Variants in LRIT2 observed in about 807,000 individuals in gnomAD.
The protein encoded by LRIT2 is leucine-rich repeat, immunoglobulin-like domain and transmembrane domain-containing protein 2.
Under a neutral mutation model 22.4 loss-of-function variants are expected in LRIT2, and 23 were observed. The ratio of observed to expected loss-of-function variants is 1.03; its 90% CI spans 0.74 to 1.45. The LOEUF (loss-of-function observed/expected upper bound fraction) is 1.45, where lower values mean the gene tolerates loss of function less well. LRIT2 is among the 40% of genes most tolerant of loss of function. The pLI is 0.00. For missense variants in LRIT2, 784 were observed against 665.6 expected (o/e 1.18, Z -1.96); for synonymous variants, 291 against 267.1 (o/e 1.09, Z -0.87).
chr10:84,222,205 C>T lies in LRIT2; in HGVS notation c.1368G>A (p.Gly456=). ...VAFVTGRDAG[G]LEAREHLLHV... ...GCAGGAGGTGCTCACGTGCCTCTAGCCCACCAGCATCTCTGCCTGTTACAA... is the reference window on the plus strand; with the variant it reads ...GCAGGAGGTGCTCACGTGCCTCTAGTCCACCAGCATCTCTGCCTGTTACAA... Residue 456 remains glycine (G), a synonymous_variant, in exon 3 of 3, where the codon GGG becomes GGA. Transcript: ENST00000372113. The T allele has an allele frequency of 6.2e-7, 1 of 1,614,218 alleles. No homozygotes were observed.
At chr10:84,222,791 G>T in intron 2 of LRIT2, 111 bp from the exon 3 acceptor site, 1 of 1,306,316 alleles carries the variant, frequency 7.7e-7, no homozygotes, top group Non-Finnish European at 1.1e-6. Flanking sequence ...TATTGTTGTT[G>T]TTAGAAGATG....
At chr10:84,225,208 A>T in intron 1 of LRIT2, 94 bp from the exon 2 acceptor site, 1 of 1,293,696 alleles carries the variant, frequency 7.7e-7, no homozygotes, top group Non-Finnish European at 1.1e-6. Context: ...GAATCAGAAT[A>T]AAAATATTAT....
At chr10:84,225,383 C>T in intron 1 of LRIT2, 28 bp downstream of exon 1, 4 of 1,609,116 alleles carry the variant, frequency 2.5e-6, no homozygotes, top group Non-Finnish European at 3.4e-6. Context: ...TCCCCATAAC[C>T]CTCTAACATC....
chr10:84,225,562 T>C, upstream of LRIT2: 6 of 1,595,918 alleles, frequency 3.8e-6, no homozygotes, highest in South Asian at 4.5e-5. Context: ...TGAATAAGTA[T>C]CGCCCCAGCT....
chr10:84,222,768 C>T (rs760730187), intron 2 of LRIT2, 88 bp from the exon 3 acceptor site: 1 of 1,499,610 alleles, frequency 6.7e-7, no homozygotes, highest in Non-Finnish European at 9.2e-7. Flanking sequence ...TTTTGTTTTG[C>T]TTTGTTTTTT....
rs1405621901 is a variant in LRIT2 at position 84,222,201 on chromosome 10, C to G, written c.1372G>C (p.Glu458Gln). The change falls in exon 3 of 3, where the codon GAG becomes CAG. Residue 458 changes from glutamate to glutamine, a missense_variant. By Grantham distance (29) the Glu-to-Gln change is conservative. Coordinates refer to ENST00000372113, the MANE Select transcript of LRIT2 (RefSeq NM_001017924.5). ...FVTGRDAGGL[E>Q]AREHLLHVTV... ...ACATGCAGGAGGTGCTCACGTGCCT[C>G]TAGCCCACCAGCATCTCTGCCTGTT... 1.9e-6 allele frequency: 3 copies of G among 1,614,216 alleles called. No individual in the cohort carries two copies. The highest frequency in any genetic ancestry group is 2.2e-5 in the East Asian group (1 of 44,884).
At chr10:84,223,531 A>G (rs920794247) in intron 2 of LRIT2, among the ~76,000 whole-genome samples, 1 of 133,842 alleles carries the variant, frequency 7.5e-6, no homozygotes, top group Non-Finnish European at 1.7e-5. Context: ...GTCATAATGT[A>G]TAACAAATAC....
intron 1 of LRIT2, 41 bp downstream of exon 1, chr10:84,225,370 C>T (rs1233867186): frequency 1.3e-6 from 2 of 1,591,108 alleles, no homozygotes; most frequent in South Asian, 2.3e-5. Context: ...AAAGAAAACC[C>T]ATTCCCCATA....
rs891325702 is a variant in LRIT2, at chr10:84,222,153, G to A, written c.1420C>T (p.Leu474=). 19 of 1,613,304 alleles carry A rather than the reference G, an allele frequency of 1.2e-5. No homozygotes were observed. The Admixed American group carries it at 2.0e-4, about 17-fold the overall frequency. ...LHVTVVLCVV[L]LAVPVGAYAW... is the part of the protein sequence containing the mutation. ...TAGGCGCCCACAGGCACTGCAAGCA[G>A]CACCACACACAGGACCACTGTGACA... The change falls in exon 3 of 3, where the codon CTG becomes TTG. Residue 474 remains leucine (L), a synonymous_variant. Coordinates refer to ENST00000372113, the MANE Select transcript of LRIT2 (RefSeq NM_001017924.5).
Position 84,221,312 on chromosome 10 carries a change from T to C in LRIT2, c.*608A>G, listed in dbSNP as rs1005636622. On this transcript the variant is annotated 3_prime_UTR_variant, in exon 3 of 3. Transcript: ENST00000372113. ...AGCTCTCATCACCCTGATGGGCAGC[T>C]CTTTGGAACATCACATTTATGTGAT... The C allele has an allele frequency of 6.6e-5, 10 of 152,216 alleles. No individual in the cohort carries two copies. The highest frequency in any genetic ancestry group is 2.2e-4 in the African/African-American group (9 of 41,458). The allele number at this position is 152,216 out of a possible 1,614,324, so 9.4% of individuals were successfully genotyped here. A position where few individuals can be genotyped will look rare whatever the true frequency, so the allele number is the denominator to read the frequency against.
At chr10:84,225,298 T>C (rs1842553857) in intron 1 of LRIT2, 113 bp downstream of exon 1, 4 of 1,318,422 alleles carry the variant, frequency 3.0e-6, no homozygotes, top group Non-Finnish European at 3.1e-6. Flanking sequence ...CTAGAATGAG[T>C]CTCATAGAGT....
At chr10:84,224,091 T>G (rs887873852) in intron 2 of LRIT2, among the ~76,000 whole-genome samples, 16 of 152,254 alleles carry the variant, frequency 1.1e-4, no homozygotes, top group Admixed American at 5.2e-4. Flanking sequence ...AAATATGTGT[T>G]TATATATGTG....
At position 84,221,802 on chromosome 10, in the gene LRIT2, G is replaced by A. The variant is rs928365777; in HGVS notation, c.*118C>T. The A allele has an allele frequency of 1.9e-5, 19 of 979,574 alleles. No individual in the cohort carries two copies. In the African/African-American group the frequency reaches 2.4e-4, roughly 12 times the overall value. 60.7% of individuals were successfully genotyped at this position (979,574 alleles called of 1,614,324 possible). A position where few individuals can be genotyped will look rare whatever the true frequency, so the allele number is the denominator to read the frequency against. On this transcript the variant is annotated 3_prime_UTR_variant, in exon 3 of 3. Coordinates refer to ENST00000372113, the MANE Select transcript of LRIT2 (RefSeq NM_001017924.5). ...TTGAACCCCCTGTGTCAAGTTCAGT[G>A]CTTGGAACACAGTGGGTGCTCAATA...
At chr10:84,224,264 A>G (rs1197229543) in intron 2 of LRIT2, 69 bp downstream of exon 2, 2 of 1,488,566 alleles carry the variant, frequency 1.3e-6, no homozygotes, top group Non-Finnish European at 1.8e-6. Context: ...GAATCTCTCT[A>G]ATGAGGATGG....
intron 1 of LRIT2, 119 bp from the exon 2 acceptor site, chr10:84,225,233 A>C: frequency 8.2e-7 from 1 of 1,226,518 alleles, no homozygotes; most frequent in African/African-American, 1.5e-5. Flanking sequence ...CATTGAAATA[A>C]AAGAGTTAGA....
chr10:84,222,706 CT>C (rs765785004), intron 2 of LRIT2, 26 bp from the exon 3 acceptor site: 2 of 1,611,556 alleles, frequency 1.2e-6, no homozygotes, highest in Non-Finnish European at 1.7e-6. Context: ...AACAAAACAG[CT>C]GTGCATTTAT....
upstream of LRIT2, chr10:84,225,571 C>A: frequency 6.3e-7 from 1 of 1,579,920 alleles, no homozygotes; most frequent in African/African-American, 1.4e-5. Flanking sequence ...ATCGCCCCAG[C>A]TTCCGAGTGG....
chr10:84,224,828 C>T lies in LRIT2; in HGVS notation c.397G>A (p.Asp133Asn). The change falls in exon 2 of 3, where the codon GAT becomes AAT. Residue 133 changes from aspartate to asparagine, a missense_variant. Coordinates refer to ENST00000372113, the MANE Select transcript of LRIT2 (RefSeq NM_001017924.5). ...GCATCAATCTTGTTGCGTTTGAGATCCAAGACCCTCAGGAGAGGGGTGGCA... is the reference window on the plus strand; with the variant it reads ...GCATCAATCTTGTTGCGTTTGAGATTCAAGACCCTCAGGAGAGGGGTGGCA... ...FRATPLLRVL[D>N]LKRNKIDALP... 6.2e-7 allele frequency: 1 copy of T among 1,614,044 alleles called. No homozygotes were observed. The highest frequency in any genetic ancestry group is 8.5e-7 in the Non-Finnish European group (1 of 1,180,006).
Position 84,224,904 on chromosome 10 carries a change from C to A in LRIT2, c.321G>T (p.Glu107Asp). ...GALEHLPELR[E>D]LRLEGNKLCS... ...AGAGCTTGTTCCCCTCCAGTCTCAG[C>A]TCCCTCAGTTCTGGCAGGTGTTCCA... Residue 107 changes from glutamate to aspartate, a missense_variant, in exon 2 of 3, where the codon GAG becomes GAT. By Grantham distance (45) the Glu-to-Asp change is conservative (BLOSUM62 2). Transcript: ENST00000372113. 6.2e-7 allele frequency: 1 copy of A among 1,614,200 alleles called. No homozygotes were observed. The highest frequency in any genetic ancestry group is 8.5e-7 in the Non-Finnish European group (1 of 1,180,040).
Sources: gnomAD v4.1 joint callset for allele counts (sites outside exome capture counted in the v4.1 genomes callset) on GRCh38, gnomAD v4.1.1 for gene constraint, MANE v1.5 for transcripts, NCBI Gene and HGNC (gene_info 2026-07-23, HGNC 2026-07-21) for gene names.